The following PLPPR1 variants were observed in gnomAD, a reference collection of about 807,000 sequenced individuals.
PLPPR1 encodes the protein phospholipid phosphatase related 1.
PLPPR1 carries 10 observed loss-of-function variants against 33.1 expected under a neutral mutation model. The ratio of observed to expected loss-of-function variants is 0.30; its 90% CI spans 0.19 to 0.51. The LOEUF (loss-of-function observed/expected upper bound fraction) is 0.51. Ranked by LOEUF, PLPPR1 falls within the 20% of genes least tolerant of loss-of-function variation. The probability of loss-of-function intolerance (pLI) is 0.97; values close to 1 mark genes in which losing one functional copy is unlikely to be tolerated. For synonymous variants in PLPPR1, 151 were observed against 151.0 expected, an observed-to-expected ratio of 1.00 and a Z score of 0.00; for missense variants, 304 against 408.1, an observed-to-expected ratio of 0.74 and a Z score of 2.20.
intron 1 of PLPPR1, among the ~76,000 whole-genome samples, chr9:101,122,423 G>A (rs1486145872): frequency 1.3e-5 from 2 of 152,126 alleles, no homozygotes; most frequent in Non-Finnish European, 2.9e-5. Context: ...TATCTCACAA[G>A]AACTCTGAGA....
At chr9:101,160,960 C>G (rs1333150886) in intron 1 of PLPPR1, among the ~76,000 whole-genome samples, 2 of 152,254 alleles carry the variant, frequency 1.3e-5, no homozygotes, top group East Asian at 3.9e-4. Flanking sequence ...TTAAAGCTGT[C>G]CTTGAAAAAG....
chr9:101,192,547 T>C (rs1349303042), intron 2 of PLPPR1, among the ~76,000 whole-genome samples: 1 of 152,098 alleles, frequency 6.6e-6, no homozygotes, highest in Non-Finnish European at 1.5e-5. Flanking sequence ...AAAAAAAACG[T>C]GGCTGTACCT....
intron 4 of PLPPR1, among the ~76,000 whole-genome samples, chr9:101,295,846 A>T (rs1828619483): frequency 1.3e-5 from 2 of 150,436 alleles, no homozygotes; most frequent in Admixed American, 6.6e-5. Flanking sequence ...AACCATAAAA[A>T]CCCTAGAAGA....
chr9:101,182,539 A>T (rs1398337627), intron 1 of PLPPR1, among the ~76,000 whole-genome samples: 1 of 151,762 alleles, frequency 6.6e-6, no homozygotes, highest in Non-Finnish European at 1.5e-5. Flanking sequence ...GAGACAGCTA[A>T]TGGGAACAGG....
intron 1 of PLPPR1, among the ~76,000 whole-genome samples, chr9:101,157,730 G>T (rs2118664581): frequency 6.6e-6 from 1 of 152,164 alleles, no homozygotes; most frequent in African/African-American, 2.4e-5. Flanking sequence ...GGCCGGGCAT[G>T]GTGACTCATG....
In PLPPR1 at chr9:101,041,230, C is replaced by G. The variant is rs1169902055; in HGVS notation, c.-46+12128C>G. The stretch of plus-strand genomic sequence containing the variant: ...ACTGTGGGACCTTCCAACATTAAAG[C>G]TTTCTTCTTGATGGAGCTGAATTCT... On this transcript the variant is annotated intron_variant, in intron 1 of 7. Transcript: ENST00000374874. Among the ~76,000 whole-genome samples, 3 of 152,170 alleles carry G rather than the reference C, an allele frequency of 2.0e-5. No homozygotes were observed. The East Asian group carries it at 5.8e-4, about 29-fold the overall frequency.
At chr9:101,217,552 T>C (rs1333796697) in intron 2 of PLPPR1, among the ~76,000 whole-genome samples, 1 of 152,218 alleles carries the variant, frequency 6.6e-6, no homozygotes. Flanking sequence ...TATAGTCACT[T>C]CTACCTGTGG....
intron 1 of PLPPR1, among the ~76,000 whole-genome samples, chr9:101,118,992 T>C (rs943091232): frequency 2.6e-5 from 4 of 152,060 alleles, no homozygotes; most frequent in African/African-American, 9.7e-5. Flanking sequence ...TTCTAGAAGC[T>C]CCTGAAGGAC....
chr9:101,053,105 C>T (rs1194539675), intron 1 of PLPPR1, among the ~76,000 whole-genome samples: 1 of 152,164 alleles, frequency 6.6e-6, no homozygotes, highest in African/African-American at 2.4e-5. Flanking sequence ...AGCCTGATGA[C>T]ATCTCAACTT....
At chr9:101,084,030 T>G (rs779042004) in intron 1 of PLPPR1, among the ~76,000 whole-genome samples, 3 of 151,916 alleles carry the variant, frequency 2.0e-5, no homozygotes, top group Non-Finnish European at 4.4e-5. Flanking sequence ...TTTAGAGGAG[T>G]TCTCTACAGT....
intron 1 of PLPPR1, among the ~76,000 whole-genome samples, chr9:101,070,249 A>G (rs970663944): frequency 1.4e-4 from 21 of 151,934 alleles, no homozygotes; most frequent in African/African-American, 4.6e-4. Context: ...CTTCTCCCTC[A>G]TTTATTTACT....
At chr9:101,131,278 C>T (rs895283526) in intron 1 of PLPPR1, among the ~76,000 whole-genome samples, 1 of 152,104 alleles carries the variant, frequency 6.6e-6, no homozygotes, top group Non-Finnish European at 1.5e-5. Context: ...CCTGAACCCG[C>T]TCATTAATAT....
intron 1 of PLPPR1, among the ~76,000 whole-genome samples, chr9:101,040,486 T>A (rs192976870): frequency 6.6e-6 from 1 of 152,276 alleles, no homozygotes; most frequent in African/African-American, 2.4e-5. Context: ...TGATTGGGTG[T>A]GAGCTGTGGT....
chr9:101,201,638 G>C (rs1826494473), intron 2 of PLPPR1, among the ~76,000 whole-genome samples: 1 of 152,128 alleles, frequency 6.6e-6, no homozygotes, highest in Admixed American at 6.6e-5. Flanking sequence ...AAGGTGCCTA[G>C]AACCTGGCAG....
At chr9:101,146,717 C>T (rs902330652) in intron 1 of PLPPR1, among the ~76,000 whole-genome samples, 11 of 152,198 alleles carry the variant, frequency 7.2e-5, no homozygotes, top group African/African-American at 2.7e-4. Context: ...CCCTCTCACC[C>T]CCAGCCAGGA....
At chr9:101,246,099 T>TC (rs1564015091) in intron 2 of PLPPR1, among the ~76,000 whole-genome samples, 3 of 110,202 alleles carry the variant, frequency 2.7e-5, no homozygotes, top group African/African-American at 9.2e-5. Context: ...TATATATATA[T>TC]ATATATATAT....
chr9:101,271,542 T>C (rs1432341457), intron 3 of PLPPR1, among the ~76,000 whole-genome samples: 2 of 152,148 alleles, frequency 1.3e-5, no homozygotes, highest in Non-Finnish European at 2.9e-5. Flanking sequence ...TCTGTATGTC[T>C]CTTACCAGCC....
intron 2 of PLPPR1, among the ~76,000 whole-genome samples, chr9:101,219,958 A>G (rs1826893067): frequency 6.6e-6 from 1 of 151,922 alleles, no homozygotes; most frequent in South Asian, 2.1e-4. Context: ...TCCTTTTTTC[A>G]TTTCCCCATA....
intron 1 of PLPPR1, among the ~76,000 whole-genome samples, chr9:101,117,084 G>T (rs1246218778): frequency 6.6e-6 from 1 of 152,006 alleles, no homozygotes; most frequent in Non-Finnish European, 1.5e-5. Context: ...TAGGATTAAG[G>T]GTTCTCTTAT....
Sources: allele counts gnomAD v4.1 joint callset (sites outside exome capture counted in the v4.1 genomes callset), GRCh38; gene constraint gnomAD v4.1.1; transcripts MANE v1.5; gene names NCBI Gene and HGNC (gene_info 2026-07-23, HGNC 2026-07-21).